PSMA3: variants seen among roughly 807,000 people sequenced by gnomAD.
The protein encoded by PSMA3 is proteasome subunit alpha type-3.
A neutral mutation model predicts 40.0 loss-of-function variants in PSMA3; 8 were observed. The ratio of observed to expected loss-of-function variants is 0.20; its 90% CI spans 0.12 to 0.36. The LOEUF (loss-of-function observed/expected upper bound fraction) is 0.36. Ranked by LOEUF, PSMA3 falls within the 10% of genes least tolerant of loss-of-function variation. The pLI is 1.00. For missense variants in PSMA3, 219 were observed against 310.6 expected (o/e 0.70, Z 2.22); for synonymous variants, 110 against 100.0 (o/e 1.10, Z -0.59).
At chr14:58,245,122 C>T (rs940685878) in intron 1 of PSMA3, 181 bp downstream of exon 1, 6 of 702,186 alleles carry the variant, frequency 8.5e-6, no homozygotes, top group African/African-American at 7.1e-5. Context: ...GCCTGCGTCT[C>T]AGGTGACCGT....
chr14:58,249,877 AT>A (rs1179998522), intron 2 of PSMA3, among the ~76,000 whole-genome samples: 2 of 152,170 alleles, frequency 1.3e-5, no homozygotes, highest in African/African-American at 4.8e-5. Context: ...AGATTTCCAG[AT>A]TTTCAAGAAT....
chr14:58,257,871 C>T (rs370424131), intron 4 of PSMA3, 25 bp downstream of exon 4: 1 of 1,611,356 alleles, frequency 6.2e-7, no homozygotes, highest in Non-Finnish European at 8.5e-7. Context: ...TATTGAGGAA[C>T]CTTTTGGACA....
intron 10 of PSMA3, among the ~76,000 whole-genome samples, 165 bp downstream of exon 10, chr14:58,271,163 G>A (rs1890607565): frequency 6.6e-6 from 1 of 151,556 alleles, no homozygotes; most frequent in South Asian, 2.1e-4. Flanking sequence ...AAATAGACTG[G>A]GGTGGTTTCT....
intron 7 of PSMA3, chr14:58,267,271 G>C (rs1890470759): frequency 1.0e-6 from 1 of 963,430 alleles, no homozygotes; most frequent in East Asian, 5.0e-5. Flanking sequence ...CAAAGTGCTG[G>C]GATTACAGGC....
chr14:58,245,101 C>G lies in PSMA3; in HGVS notation c.21+160C>G. On this transcript the variant is annotated intron_variant, in intron 1 of 10. Transcript: ENST00000216455. ...TTTGGAGACCGGTCGTCTTTATCCC[C>G]TATATGCTAGGCCTGCGTCTCAGGT... 4.6e-6 allele frequency: 4 copies of G among 860,514 alleles called. No individual in the cohort carries two copies. In the South Asian group the frequency reaches 5.7e-5, roughly 12 times the overall value. The allele number at this position is 860,514 out of a possible 1,614,324, so 53.3% of individuals were successfully genotyped here. A position where few individuals can be genotyped will look rare whatever the true frequency, so the allele number is the denominator to read the frequency against.
At chr14:58,260,560 G>A (rs1227424219) in intron 5 of PSMA3, among the ~76,000 whole-genome samples, 1 of 152,198 alleles carries the variant, frequency 6.6e-6, no homozygotes, top group African/African-American at 2.4e-5. Context: ...GAAATAGAAT[G>A]AAGGGTGGAA....
At position 58,255,744 on chromosome 14, in the gene PSMA3, G is replaced by A. The variant is rs150577576; in HGVS notation, c.229-2001G>A. On this transcript the variant is annotated intron_variant, in intron 3 of 10. Coordinates refer to ENST00000216455, the MANE Select transcript of PSMA3 (RefSeq NM_002788.4). ...CGATTGCACCACTGTGCTCTAGCCT[G>A]GGCAACAAGAGCAAAACTCCATCTC... 5.1e-3 allele frequency among the ~76,000 whole-genome samples: 774 copies of A among 152,284 alleles called. 6 individuals are homozygous for A. The highest frequency in any genetic ancestry group is 0.017 in the African/African-American group (719 of 41,550).
chr14:58,271,916 G>GT lies in PSMA3; in HGVS notation c.*22dup, dbSNP rs768365943. On this transcript the variant is annotated 3_prime_UTR_variant, in exon 11 of 11. Transcript: ENST00000216455. ...TGTAACATTTACTCCAGCATCTATT[G>GT]TATTTTAAATTTCTACTCCAGTCCA... The GT allele has an allele frequency of 6.5e-7, 1 of 1,539,650 alleles. No individual in the cohort carries two copies. Among genetic ancestry groups the GT allele is most frequent in the East Asian group, 2.3e-5 (1 of 44,348 alleles).
chr14:58,245,272 G>C, intron 1 of PSMA3: 1 of 330,850 alleles, frequency 3.0e-6, no homozygotes, highest in Non-Finnish European at 5.8e-6. Context: ...TTGAAATAGT[G>C]TGTTCTCTTG....
intron 7 of PSMA3, among the ~76,000 whole-genome samples, chr14:58,264,412 GAA>G (rs1890374280): frequency 6.6e-6 from 1 of 152,150 alleles, no homozygotes; most frequent in African/African-American, 2.4e-5. Context: ...CTATTAGTGT[GAA>G]AAAGTTTTCT....
chr14:58,251,891 T>C (rs1180315106), intron 2 of PSMA3, among the ~76,000 whole-genome samples: 1 of 152,224 alleles, frequency 6.6e-6, no homozygotes, highest in East Asian at 1.9e-4. Context: ...CATATTAATA[T>C]ATTTTTAGTC....
chr14:58,249,009 A>C (rs1889940927), intron 2 of PSMA3, among the ~76,000 whole-genome samples: 2 of 152,204 alleles, frequency 1.3e-5, no homozygotes, highest in Admixed American at 1.3e-4. Flanking sequence ...CTTGTTGCCC[A>C]GGCTGGAGTG....
At chr14:58,262,197 A>G (rs1473604130) in intron 6 of PSMA3, among the ~76,000 whole-genome samples, 1 of 136,682 alleles carries the variant, frequency 7.3e-6, no homozygotes, top group Admixed American at 7.1e-5. Flanking sequence ...CCAAAGTGCA[A>G]GGATTACAGG....
chr14:58,267,780 GT>G, intron 8 of PSMA3: 1 of 406,974 alleles, frequency 2.5e-6, no homozygotes, highest in Non-Finnish European at 3.5e-6. Context: ...TACCATTAGG[GT>G]CTTAATTTGT....
intron 3 of PSMA3, among the ~76,000 whole-genome samples, chr14:58,253,315 CAG>C (rs973723747): frequency 8.5e-5 from 13 of 152,062 alleles, no homozygotes; most frequent in Middle Eastern, 3.2e-3. Flanking sequence ...GGTGAAAAAA[CAG>C]ATGCACAGCA....
Position 58,271,859 on chromosome 14 carries a change from G to C in PSMA3, c.732G>C (p.Leu244=). The C allele has an allele frequency of 6.3e-7, 1 of 1,598,880 alleles. No homozygotes were observed. Among genetic ancestry groups the C allele is most frequent in the South Asian group, 1.1e-5 (1 of 90,508 alleles). The change falls in exon 11 of 11, where the codon CTG becomes CTC. Residue 244 remains leucine, a synonymous_variant. Coordinates refer to ENST00000216455, the MANE Select transcript of PSMA3 (RefSeq NM_002788.4). Reference sequence around the variant, plus strand: ...CTGTTTTCTCTTAACAGGAATCTCTGAAGGAAGAAGATGAATCAGATGATG... The same window carrying C: ...CTGTTTTCTCTTAACAGGAATCTCTCAAGGAAGAAGATGAATCAGATGATG... ...EEAEKYAKES[L]KEEDESDDDN... is the part of the protein sequence containing the mutation.
chr14:58,262,859 T>C (rs1267933458), intron 6 of PSMA3, among the ~76,000 whole-genome samples: 2 of 152,074 alleles, frequency 1.3e-5, no homozygotes, highest in African/African-American at 2.4e-5. Flanking sequence ...TGTGAGCCAC[T>C]GCACCCGGCC....
At chr14:58,256,099 C>G (rs1890138374) in intron 3 of PSMA3, among the ~76,000 whole-genome samples, 1 of 152,156 alleles carries the variant, frequency 6.6e-6, no homozygotes, top group Non-Finnish European at 1.5e-5. Flanking sequence ...GGTGATCCCC[C>G]TGCCTCGGCC....
intron 2 of PSMA3, among the ~76,000 whole-genome samples, chr14:58,249,109 C>T (rs1889942894): frequency 6.6e-6 from 1 of 152,002 alleles, no homozygotes; most frequent in Admixed American, 6.6e-5. Context: ...TACAGACATG[C>T]ACCACCATGG....
Sources: gnomAD v4.1 joint callset for allele counts (sites outside exome capture counted in the v4.1 genomes callset) on GRCh38, gnomAD v4.1.1 for gene constraint, MANE v1.5 for transcripts, NCBI Gene and HGNC (gene_info 2026-07-23, HGNC 2026-07-21) for gene names.